The following SH3RF1 variants were observed in gnomAD, a reference collection of about 807,000 sequenced individuals.
The protein encoded by SH3RF1 is E3 ubiquitin-protein ligase SH3RF1.
Under a neutral mutation model 74.0 loss-of-function variants are expected in SH3RF1, and 32 were observed. The observed-to-expected ratio is 0.43, with a 90% CI of 0.33 to 0.58. SH3RF1 has a LOEUF of 0.58. Among genes scored for constraint, SH3RF1 ranks in the 20% least tolerant of loss-of-function variants. The pLI, the probability that SH3RF1 is intolerant of heterozygous loss-of-function variation, is 0.05. For missense variants in SH3RF1, 954 were observed against 1,130.9 expected (o/e 0.84, Z 2.24); for synonymous variants, 396 against 439.6 (o/e 0.90, Z 1.24).
rs1374800897 is a variant in SH3RF1, at chr4:169,146,099, T to C, written c.765+9381A>G. On this transcript the variant is annotated intron_variant, in intron 4 of 11. Transcript: ENST00000284637. ...TATTATATATTCTATATATTCTATA[T>C]AAAATGTTATATATTCTATATATTC... Among the ~76,000 whole-genome samples the C allele has an allele frequency of 4.8e-5, 6 of 125,448 alleles. 2 individuals carry two copies. Among genetic ancestry groups the C allele is most frequent in the Non-Finnish European group, 9.9e-5 (6 of 60,386 alleles). 82.3% of individuals were successfully genotyped at this position (125,448 alleles called of 152,430 possible).
At chr4:169,158,920 T>C (rs768106116) in intron 2 of SH3RF1, among the ~76,000 whole-genome samples, 4 of 152,228 alleles carry the variant, frequency 2.6e-5, no homozygotes, top group Non-Finnish European at 4.4e-5. Context: ...CAAAATGCTA[T>C]TGGCAATCAT....
intron 6 of SH3RF1, among the ~76,000 whole-genome samples, chr4:169,126,615 A>G (rs1420891647): frequency 6.6e-6 from 1 of 152,162 alleles, no homozygotes; most frequent in Non-Finnish European, 1.5e-5. Flanking sequence ...TTTTAGGAAC[A>G]GCATCTAGTC....
intron 2 of SH3RF1, among the ~76,000 whole-genome samples, chr4:169,190,602 T>G (rs865821847): frequency 1.4e-5 from 2 of 146,772 alleles, no homozygotes; most frequent in Non-Finnish European, 3.0e-5. Flanking sequence ...AAAAAAAAAG[T>G]CCAGTACCAG....
chr4:169,241,159 G>A (rs980029108), intron 2 of SH3RF1, among the ~76,000 whole-genome samples: 2 of 152,188 alleles, frequency 1.3e-5, no homozygotes, highest in Admixed American at 6.5e-5. Context: ...GAACCCAGGA[G>A]GCGGAGATTG....
chr4:169,210,198 T>C (rs1391488056), intron 2 of SH3RF1, among the ~76,000 whole-genome samples: 1 of 152,188 alleles, frequency 6.6e-6, no homozygotes, highest in Non-Finnish European at 1.5e-5. Context: ...TCTGGAGTCT[T>C]TCTGCTATTT....
At chr4:169,191,360 G>A (rs569471647) in intron 2 of SH3RF1, among the ~76,000 whole-genome samples, 1 of 150,170 alleles carries the variant, frequency 6.7e-6, no homozygotes, top group East Asian at 1.9e-4. Context: ...CCTCTACCAG[G>A]GAAACTACAA....
intron 2 of SH3RF1, among the ~76,000 whole-genome samples, chr4:169,218,951 TCAGACTTCTTAA>T (rs1210601136): frequency 6.6e-6 from 1 of 152,226 alleles, no homozygotes; most frequent in Non-Finnish European, 1.5e-5. Context: ...TATTTAGCAG[TCAGACTTCTTAA>T]CAGACTTTGC....
At position 169,096,384 on chromosome 4, in the gene SH3RF1, G is replaced by T; in HGVS notation, c.*135C>A. Reference sequence around the variant, plus strand: ...CTGCTCGCTGGGGTAACTGTGCTGGGGCATCAGAGTCACATACCAATCCTT... The same window carrying T: ...CTGCTCGCTGGGGTAACTGTGCTGGTGCATCAGAGTCACATACCAATCCTT... On this transcript the variant is annotated 3_prime_UTR_variant, in exon 12 of 12. Transcript: ENST00000284637. 1 of 874,600 alleles carries T rather than the reference G, an allele frequency of 1.1e-6. No individual in the cohort carries two copies. Among genetic ancestry groups the T allele is most frequent in the Non-Finnish European group, 1.8e-6 (1 of 567,492 alleles). 54.2% of individuals were successfully genotyped at this position (874,600 alleles called of 1,614,324 possible). A position where few individuals can be genotyped will look rare whatever the true frequency, so the allele number is the denominator to read the frequency against.
intron 2 of SH3RF1, among the ~76,000 whole-genome samples, chr4:169,222,942 C>G (rs1730591559): frequency 6.6e-6 from 1 of 152,194 alleles, no homozygotes; most frequent in African/African-American, 2.4e-5. Flanking sequence ...GACAGCACCC[C>G]TGTCCTCGCA....
intron 2 of SH3RF1, among the ~76,000 whole-genome samples, chr4:169,242,998 C>T (rs1165154117): frequency 6.6e-6 from 1 of 152,166 alleles, no homozygotes; most frequent in Non-Finnish European, 1.5e-5. Context: ...GGTCCTTGGA[C>T]CAGACTTTGA....
chr4:169,163,745 C>T (rs1024406914), intron 2 of SH3RF1, among the ~76,000 whole-genome samples: 1 of 152,162 alleles, frequency 6.6e-6, no homozygotes, highest in Non-Finnish European at 1.5e-5. Context: ...CTGTCATCAC[C>T]TCCAACTTCA....
intron 11 of SH3RF1, among the ~76,000 whole-genome samples, chr4:169,103,086 A>ATTTTTTTTTTTTTTTT (rs60740517): frequency 2.3e-5 from 2 of 87,070 alleles, no homozygotes; most frequent in Non-Finnish European, 2.1e-5. Flanking sequence ...GCGCCTGGCT[A>ATTTTTTTTTTTTTTTT]TTTTTTTTTT....
intron 2 of SH3RF1, among the ~76,000 whole-genome samples, chr4:169,195,369 C>T (rs72706494): frequency 0.11 from 17,167 of 152,088 alleles, 980 homozygotes; most frequent in Middle Eastern, 0.15. Context: ...TTTGTTTCTG[C>T]TTTTATTAGC....
chr4:169,178,416 C>A, intron 2 of SH3RF1, among the ~76,000 whole-genome samples: 1 of 128,090 alleles, frequency 7.8e-6, no homozygotes. Context: ...GGCTAAAAAA[C>A]CTTAAGAATT....
intron 2 of SH3RF1, among the ~76,000 whole-genome samples, chr4:169,234,078 G>C (rs895732539): frequency 6.6e-6 from 1 of 151,946 alleles, no homozygotes; most frequent in Non-Finnish European, 1.5e-5. Flanking sequence ...TTAGACCACC[G>C]GAACACCCCT....
At chr4:169,106,094 G>A (rs915395331) in intron 11 of SH3RF1, among the ~76,000 whole-genome samples, 2 of 151,230 alleles carry the variant, frequency 1.3e-5, no homozygotes, top group Non-Finnish European at 2.9e-5. Context: ...ATATGTGTGT[G>A]TGTATATATA....
chr4:169,101,417 G>C (rs1364003116), intron 11 of SH3RF1, among the ~76,000 whole-genome samples: 1 of 151,994 alleles, frequency 6.6e-6, no homozygotes. Context: ...AGTCACTTAC[G>C]GGGAGAGAAA....
At chr4:169,102,808 T>C (rs1687743899) in intron 11 of SH3RF1, among the ~76,000 whole-genome samples, 1 of 152,120 alleles carries the variant, frequency 6.6e-6, no homozygotes, top group Non-Finnish European at 1.5e-5. Context: ...CACCAAGACC[T>C]GTCAACACAC....
At chr4:169,101,871 A>C (rs1365573886) in intron 11 of SH3RF1, among the ~76,000 whole-genome samples, 3 of 152,146 alleles carry the variant, frequency 2.0e-5, no homozygotes, top group Non-Finnish European at 4.4e-5. Context: ...ATAACTGCCA[A>C]GGTACAATTC....
Sources: gnomAD v4.1 joint callset for allele counts (sites outside exome capture counted in the v4.1 genomes callset) on GRCh38, gnomAD v4.1.1 for gene constraint, MANE v1.5 for transcripts, NCBI Gene and HGNC (gene_info 2026-07-23, HGNC 2026-07-21) for gene names.